The following NCKAP1L variants were observed in gnomAD, a reference collection of about 807,000 sequenced individuals.
NCKAP1L encodes the protein nck-associated protein 1-like.
In NCKAP1L, 53 loss-of-function variants were observed where a neutral mutation model predicts 139.2. The ratio of observed to expected loss-of-function variants is 0.38; its 90% CI spans 0.31 to 0.48. The LOEUF (loss-of-function observed/expected upper bound fraction) is 0.48, where lower values mean the gene tolerates loss of function less well. NCKAP1L is among the 20% of genes least tolerant of loss of function. The probability of loss-of-function intolerance (pLI) is 0.98; values close to 1 mark genes in which losing one functional copy is unlikely to be tolerated. For synonymous variants in NCKAP1L, 468 were observed against 499.7 expected, an observed-to-expected ratio of 0.94 and a Z score of 0.85; for missense variants, 1,151 against 1,381.9, an observed-to-expected ratio of 0.83 and a Z score of 2.65.
chr12:54,536,028 C>G (rs747149558), intron 27 of NCKAP1L, 101 bp from the exon 28 acceptor site: 3 of 814,168 alleles, frequency 3.7e-6, no homozygotes, highest in Admixed American at 1.9e-5. Context: ...TTTTCTCCTG[C>G]GATCCTCACA....
At chr12:54,511,889 GTA>G (rs1956892270) in intron 8 of NCKAP1L, 38 bp downstream of exon 8, 2 of 1,613,918 alleles carry the variant, frequency 1.2e-6, no homozygotes, top group Non-Finnish European at 1.7e-6. Flanking sequence ...GGATGAAGCA[GTA>G]TGTTATATGA....
intron 5 of NCKAP1L, among the ~76,000 whole-genome samples, 198 bp from the exon 6 acceptor site, chr12:54,509,471 T>C (rs575312433): frequency 1.1e-4 from 17 of 152,348 alleles, no homozygotes; most frequent in African/African-American, 4.1e-4. Context: ...CAAAATGAAA[T>C]GGTTCTATTT....
rs1592357762 is a variant in NCKAP1L at position 54,547,226 on chromosome 12, A to G, written c.*4541A>G. ...GGTAGAAATGGGATTGTATTGCAAC[A>G]AGAGGAATGAGGTTGAGACTAAACA... On this transcript the variant is annotated 3_prime_UTR_variant, in exon 31 of 31. Transcript: ENST00000293373. The G allele has an allele frequency of 6.6e-6, 1 of 152,154 alleles. No individual in the cohort carries two copies. The highest frequency in any genetic ancestry group is 6.5e-5 in the Admixed American group (1 of 15,274). 9.4% of individuals were successfully genotyped at this position (152,154 alleles called of 1,614,324 possible).
Position 54,518,577 on chromosome 12 carries a change from C to A in NCKAP1L, c.1339-74C>A, listed in dbSNP as rs372966238. 34 of 1,121,138 alleles carry A rather than the reference C, an allele frequency of 3.0e-5. No individual in the cohort carries two copies. In the East Asian group the frequency reaches 4.9e-4, roughly 16 times the overall value. 69.4% of individuals were successfully genotyped at this position (1,121,138 alleles called of 1,614,324 possible). A position where few individuals can be genotyped will look rare whatever the true frequency, so the allele number is the denominator to read the frequency against. On this transcript the variant is annotated intron_variant, in intron 13 of 30. Coordinates refer to ENST00000293373, the MANE Select transcript of NCKAP1L (RefSeq NM_005337.5). ...AATTCTTTCTACCTTCATACGCTGA[C>A]TGAGCCTCATGGTCCTAGTTTCTGT...
Position 54,516,247 on chromosome 12 carries a change from A to G in NCKAP1L, c.950A>G (p.Lys317Arg), listed in dbSNP as rs984328028. ...CTTGTGTCAATCCTCAGGTATGGCA[A>G]GAGAGTGGCAGACATAAAGGAGAGC... ...DLFSSLKGYG[K>R]RVADIKESKE... Residue 317 changes from lysine to arginine, a missense_variant, in exon 10 of 31, where the codon AAG becomes AGG. Transcript: ENST00000293373. 1 of 1,613,996 alleles carries G rather than the reference A, an allele frequency of 6.2e-7. No homozygotes were observed. The highest frequency in any genetic ancestry group is 8.5e-7 in the Non-Finnish European group (1 of 1,179,958).
intron 3 of NCKAP1L, among the ~76,000 whole-genome samples, chr12:54,502,615 A>G (rs1956807186): frequency 6.6e-6 from 1 of 152,122 alleles, no homozygotes; most frequent in East Asian, 1.9e-4. Context: ...TTCTTACCCA[A>G]CCCTAATATA....
At chr12:54,501,804 G>T (rs1283384521) in intron 3 of NCKAP1L, among the ~76,000 whole-genome samples, 2 of 152,064 alleles carry the variant, frequency 1.3e-5, no homozygotes, top group Non-Finnish European at 2.9e-5. Flanking sequence ...AACTTTTTGA[G>T]GAACTGCTAT....
chr12:54,536,024 C>G, intron 27 of NCKAP1L, 105 bp from the exon 28 acceptor site: 2 of 795,182 alleles, frequency 2.5e-6, no homozygotes, highest in South Asian at 2.9e-5. Flanking sequence ...GATATTTTCT[C>G]CTGCGATCCT....
rs10691039 is a variant in NCKAP1L at position 54,547,503 on chromosome 12, C to CGTGTGTGTGT, written c.*4840_*4849dup. 0.049 allele frequency: 7,146 copies of CGTGTGTGTGT among 146,740 alleles called. 241 individuals carry two copies. The highest frequency in any genetic ancestry group is 0.072 in the Non-Finnish European group (4,794 of 66,584). The allele number at this position is 146,740 out of a possible 1,614,324, so 9.1% of individuals were successfully genotyped here. The stretch of plus-strand genomic sequence containing the variant: ...TCACGAATAACTTTGTGTGTGTGTG[C>CGTGTGTGTGT]GTGTGTGTGTGTGTGTGTGTGTGTG... On this transcript the variant is annotated 3_prime_UTR_variant, in exon 31 of 31. Coordinates refer to ENST00000293373, the MANE Select transcript of NCKAP1L (RefSeq NM_005337.5).
chr12:54,512,358 C>G, intron 9 of NCKAP1L: 1 of 338,752 alleles, frequency 3.0e-6, no homozygotes, highest in South Asian at 4.1e-5. Flanking sequence ...AATTCAGGCT[C>G]TACCACTAGT....
intron 1 of NCKAP1L, chr12:54,498,689 TG>T (rs1465808537): frequency 1.6e-6 from 1 of 636,586 alleles, no homozygotes; most frequent in African/African-American, 2.0e-5. Flanking sequence ...AACAAAATTG[TG>T]ACACTGAATC....
At position 54,508,429 on chromosome 12, in the gene NCKAP1L, T is replaced by C. The variant is rs1202993366; in HGVS notation, c.404T>C (p.Ile135Thr). The C allele has an allele frequency of 6.2e-7, 1 of 1,613,984 alleles. No individual in the cohort carries two copies. Among genetic ancestry groups the C allele is most frequent in the Non-Finnish European group, 8.5e-7 (1 of 1,179,822 alleles). Residue 135 changes from isoleucine to threonine, a missense_variant, in exon 5 of 31, where the codon ATT becomes ACT. Coordinates refer to ENST00000293373, the MANE Select transcript of NCKAP1L (RefSeq NM_005337.5). ...TTCACTCGGAGTTACCTGGACTTGA[T>C]TGTAACTTACACCTCAGTCATTTTA... ...FDFTRSYLDL[I>T]VTYTSVILLL...
chr12:54,502,257 A>G (rs1362227105), intron 3 of NCKAP1L, among the ~76,000 whole-genome samples: 1 of 152,172 alleles, frequency 6.6e-6, no homozygotes, highest in Non-Finnish European at 1.5e-5. Context: ...TTCAATGAGC[A>G]TTTCCTTTGA....
chr12:54,530,154 G>T (rs1272689500), intron 22 of NCKAP1L, among the ~76,000 whole-genome samples: 1 of 152,228 alleles, frequency 6.6e-6, no homozygotes, highest in African/African-American at 2.4e-5. Context: ...TGCTTTGAAA[G>T]ACTTGAGTGT....
intron 18 of NCKAP1L, 82 bp from the exon 19 acceptor site, chr12:54,523,312 G>T: frequency 6.8e-7 from 1 of 1,481,256 alleles, no homozygotes; most frequent in Non-Finnish European, 9.1e-7. Flanking sequence ...AGACAACAAT[G>T]GACAACAACC....
chr12:54,518,594 A>G, intron 13 of NCKAP1L, 57 bp from the exon 14 acceptor site: 1 of 1,311,578 alleles, frequency 7.6e-7, no homozygotes. Context: ...TCATGGTCCT[A>G]GTTTCTGTCC....
chr12:54,542,442 G>T (rs935663988), intron 30 of NCKAP1L, 133 bp from the exon 31 acceptor site: 5 of 688,790 alleles, frequency 7.3e-6, no homozygotes, highest in Non-Finnish European at 1.3e-5. Flanking sequence ...GGGAAGAGGG[G>T]GGTGTGATTT....
intron 18 of NCKAP1L, 46 bp downstream of exon 18, chr12:54,521,284 A>T (rs1201758098): frequency 6.2e-7 from 1 of 1,606,204 alleles, no homozygotes; most frequent in South Asian, 1.1e-5. Flanking sequence ...GCCAGCGCTC[A>T]GTGCCTTCCC....
chr12:54,500,593 T>G lies in NCKAP1L; in HGVS notation c.274T>G (p.Tyr92Asp). Residue 92 changes from tyrosine to aspartate, a missense_variant, in exon 3 of 31, where the codon TAC becomes GAC. Coordinates refer to ENST00000293373, the MANE Select transcript of NCKAP1L (RefSeq NM_005337.5). The stretch of plus-strand genomic sequence containing the variant: ...GATAATTAGATTCCTCACCAACTAC[T>G]ACCAGTCATTTGTGGATGTCATGGA... ...AEIIRFLTNYYQSFVDVMEFR... is the reference protein window; with the variant it reads ...AEIIRFLTNYDQSFVDVMEFR... 6.2e-7 allele frequency: 1 copy of G among 1,613,304 alleles called. No individual in the cohort carries two copies.
Sources: gnomAD v4.1 joint callset for allele counts (sites outside exome capture counted in the v4.1 genomes callset) on GRCh38, gnomAD v4.1.1 for gene constraint, MANE v1.5 for transcripts, NCBI Gene and HGNC (gene_info 2026-07-23, HGNC 2026-07-21) for gene names.